Variants in RAPGEF1 observed in about 807,000 individuals in gnomAD.
RAPGEF1 encodes CRK SH3-binding GNRP.
A neutral mutation model predicts 143.3 loss-of-function variants in RAPGEF1; 33 were observed. The ratio of observed to expected loss-of-function variants is 0.23; its 90% CI spans 0.17 to 0.31. The LOEUF is 0.31. RAPGEF1 is among the 10% of genes least tolerant of loss of function. The pLI, the probability that RAPGEF1 is intolerant of heterozygous loss-of-function variation, is 1.00. For missense variants in RAPGEF1, 1,199 were observed against 1,645.4 expected, an observed-to-expected ratio of 0.73 and a Z score of 4.69; for synonymous variants, 629 against 676.5, an observed-to-expected ratio of 0.93 and a Z score of 1.09.
chr9:131,681,014 C>G (rs1007589754), intron 1 of RAPGEF1, among the ~76,000 whole-genome samples: 2 of 152,176 alleles, frequency 1.3e-5, no homozygotes, highest in Middle Eastern at 3.4e-3. Flanking sequence ...AGAAGGGGAG[C>G]TCAGAAGCAT....
intron 12 of RAPGEF1, among the ~76,000 whole-genome samples, chr9:131,607,264 T>C (rs1379300811): frequency 1.3e-5 from 2 of 152,220 alleles, no homozygotes; most frequent in South Asian, 2.1e-4. Flanking sequence ...GTTCCCTTCA[T>C]ATCCTTCTTT....
intron 5 of RAPGEF1, 126 bp from the exon 6 acceptor site, chr9:131,630,450 C>T (rs1964540205): frequency 1.2e-6 from 1 of 865,944 alleles, no homozygotes; most frequent in African/African-American, 1.7e-5. Context: ...ATTCCCCACG[C>T]ACCATAAACG....
At chr9:131,582,853 TGTGGGTCCTGGCCCTGGCCAGCA>T (rs1186093070) in intron 24 of RAPGEF1, among the ~76,000 whole-genome samples, 151 bp from the exon 25 acceptor site, 1 of 152,156 alleles carries the variant, frequency 6.6e-6, no homozygotes, top group African/African-American at 2.4e-5. Context: ...CCCAGCCAGG[TGTGGGTCCTGGCCCTGGCCAGCA>T]GGGATTCTGT....
rs1041960939 is a variant in RAPGEF1, at chr9:131,739,883, G to T, written c.-53C>A. 3.1e-6 allele frequency: 3 copies of T among 963,334 alleles called. No homozygotes were observed. The highest frequency in any genetic ancestry group is 3.7e-6 in the Non-Finnish European group (3 of 811,378). The allele number at this position is 963,334 out of a possible 1,614,324, so 59.7% of individuals were successfully genotyped here. On this transcript the variant is annotated 5_prime_UTR_variant, in exon 1 of 27. Transcript: ENST00000683357. ...GACAGGGGCGGCGCGCCCGCCGCTC[G>T]CCTCGGCCCTGGCTCGCCACGCCTC...
rs188706236 is a variant in RAPGEF1 at position 131,587,679 on chromosome 9, C to T, written c.3233+57G>A. On this transcript the variant is annotated intron_variant, in intron 22 of 26. Coordinates refer to ENST00000683357, the MANE Select transcript of RAPGEF1 (RefSeq NM_001377935.1). ...GCTCCCTGCAAAGGAAAACGCAGAG[C>T]CCACCCAGACGTGCCACCATCCAGA... 47 of 1,509,652 alleles carry T rather than the reference C, an allele frequency of 3.1e-5. No individual in the cohort carries two copies. In the Admixed American group the frequency reaches 8.6e-4, roughly 27 times the overall value. The allele number at this position is 1,509,652 out of a possible 1,614,324, so 93.5% of individuals were successfully genotyped here.
At chr9:131,726,292 G>A (rs544755300) in intron 1 of RAPGEF1, among the ~76,000 whole-genome samples, 7 of 152,186 alleles carry the variant, frequency 4.6e-5, no homozygotes, top group East Asian at 1.9e-4. Flanking sequence ...GTACTTACAC[G>A]GTATTCTGGA....
chr9:131,713,061 C>T (rs1396826053), intron 1 of RAPGEF1, among the ~76,000 whole-genome samples: 2 of 152,174 alleles, frequency 1.3e-5, no homozygotes, highest in African/African-American at 4.8e-5. Context: ...GTCCACATTT[C>T]AGGGAGACAA....
chr9:131,624,926 A>G (rs1962491737), intron 10 of RAPGEF1, among the ~76,000 whole-genome samples: 1 of 152,264 alleles, frequency 6.6e-6, no homozygotes, highest in Non-Finnish European at 1.5e-5. Context: ...ACATCATCGC[A>G]GCCGCCGCCT....
chr9:131,694,076 G>C lies in RAPGEF1; in HGVS notation c.62-43127C>G, dbSNP rs191723148. 5.1e-3 allele frequency among the ~76,000 whole-genome samples: 778 copies of C among 152,016 alleles called. 3 individuals are homozygous for C. Among genetic ancestry groups the C allele is most frequent in the Middle Eastern group, 0.024 (7 of 292 alleles). ...ACCCCCTCTCCCACCTCTGCCTCAGGTCTCTGCCCACTGTTTTCTCACCTA... is the reference window on the plus strand; with the variant it reads ...ACCCCCTCTCCCACCTCTGCCTCAGCTCTCTGCCCACTGTTTTCTCACCTA... On this transcript the variant is annotated intron_variant, in intron 1 of 26. Transcript: ENST00000683357.
intron 1 of RAPGEF1, among the ~76,000 whole-genome samples, chr9:131,737,797 T>C (rs1209289546): frequency 6.6e-6 from 1 of 152,042 alleles, no homozygotes; most frequent in Non-Finnish European, 1.5e-5. Context: ...ACCCTGTCTC[T>C]ACTAAAAATA....
intron 1 of RAPGEF1, among the ~76,000 whole-genome samples, chr9:131,669,373 G>A (rs1396936305): frequency 6.6e-6 from 1 of 152,216 alleles, no homozygotes; most frequent in African/African-American, 2.4e-5. Flanking sequence ...TGAAGGGACA[G>A]GAGTCACCTC....
chr9:131,668,907 C>A (rs867083906), intron 1 of RAPGEF1, among the ~76,000 whole-genome samples: 1 of 152,240 alleles, frequency 6.6e-6, no homozygotes, highest in Non-Finnish European at 1.5e-5. Flanking sequence ...TTGGGGCAGC[C>A]TCCGTGGCTC....
At chr9:131,668,605 C>T (rs1830821861) in intron 1 of RAPGEF1, among the ~76,000 whole-genome samples, 1 of 152,152 alleles carries the variant, frequency 6.6e-6, no homozygotes, top group Non-Finnish European at 1.5e-5. Flanking sequence ...CAGCCCTAGC[C>T]GGTGTCCTGA....
chr9:131,701,118 AG>A, intron 1 of RAPGEF1, among the ~76,000 whole-genome samples: 1 of 152,294 alleles, frequency 6.6e-6, no homozygotes, highest in East Asian at 1.9e-4. Flanking sequence ...TGATTGGAAA[AG>A]TGATTAAAGT....
chr9:131,650,675 G>A lies in RAPGEF1; in HGVS notation c.201+135C>T. The A allele has an allele frequency of 3.0e-6, 4 of 1,320,742 alleles. No individual in the cohort carries two copies. In the South Asian group the frequency reaches 5.7e-5, roughly 19 times the overall value. The allele number at this position is 1,320,742 out of a possible 1,614,324, so 81.8% of individuals were successfully genotyped here. A position where few individuals can be genotyped will look rare whatever the true frequency, so the allele number is the denominator to read the frequency against. On this transcript the variant is annotated intron_variant, in intron 2 of 26. Transcript: ENST00000683357. This position sits in a 1 kb window ranked among gnomAD's most constrained non-coding sequence, Gnocchi z 4.7. ...TTCTTATTTTACAAGGACACCAAAG[G>A]TCCCGCCCATGGAATGCTACGAAGT...
intron 12 of RAPGEF1, 124 bp from the exon 13 acceptor site, chr9:131,605,312 C>G: frequency 1.1e-6 from 1 of 900,886 alleles, no homozygotes; most frequent in Non-Finnish European, 1.5e-6. Context: ...AACGGGCCAC[C>G]AATCACGCCA....
chr9:131,629,165 G>A lies in RAPGEF1; in HGVS notation c.830C>T (p.Ala277Val). The A allele has an allele frequency of 3.7e-6, 6 of 1,614,034 alleles. No homozygotes were observed. The highest frequency in any genetic ancestry group is 1.3e-5 in the African/African-American group (1 of 75,062). Reference protein sequence around the residue: ...MSQSTELLPDATDEEVAPPKP... With the variant: ...MSQSTELLPDVTDEEVAPPKP... The stretch of plus-strand genomic sequence containing the variant: ...GGGGGGCGCGACCTCTTCATCCGTG[G>A]CATCTGGGAGGAGCTCAGTTGACTG... Residue 277 changes from alanine to valine, a missense_variant, in exon 7 of 27, where the codon GCC (alanine) becomes GTC (valine). Transcript: ENST00000683357.
chr9:131,668,863 C>T (rs946545906), intron 1 of RAPGEF1, among the ~76,000 whole-genome samples: 5 of 152,218 alleles, frequency 3.3e-5, no homozygotes. Flanking sequence ...GAGGCAGAGC[C>T]CTCCCCCGGC....
At chr9:131,610,420 G>A (rs559069030) in intron 12 of RAPGEF1, among the ~76,000 whole-genome samples, 15 of 152,356 alleles carry the variant, frequency 9.8e-5, no homozygotes, top group South Asian at 8.3e-4. Flanking sequence ...ACAGCGAAAT[G>A]TGGTCATGTA....
Sources: allele counts gnomAD v4.1 joint callset (sites outside exome capture counted in the v4.1 genomes callset), GRCh38; gene constraint gnomAD v4.1.1; non-coding constraint Gnocchi (gnomAD v3.1); transcripts MANE v1.5; gene names NCBI Gene and HGNC (gene_info 2026-07-23, HGNC 2026-07-21).